Variants in NOL4 observed in about 807,000 individuals in gnomAD.
NOL4 encodes the protein nucleolar protein 4.
Under a neutral mutation model 75.9 loss-of-function variants are expected in NOL4, and 17 were observed. The observed-to-expected ratio is 0.22, with a 90% confidence interval of 0.15 to 0.34. The LOEUF is 0.34. Ranked by LOEUF, NOL4 falls within the 10% of genes least tolerant of loss-of-function variation. The pLI, the probability that NOL4 is intolerant of heterozygous loss-of-function variation, is 1.00. For synonymous variants in NOL4, 292 were observed against 289.9 expected (o/e 1.01, Z -0.07); for missense variants, 614 against 793.5 (o/e 0.77, Z 2.72).
intron 1 of NOL4, among the ~76,000 whole-genome samples, chr18:34,217,794 ATATAG>A (rs1323306066): frequency 6.6e-6 from 1 of 152,074 alleles, no homozygotes; most frequent in East Asian, 1.9e-4. Flanking sequence ...GCATATGCAT[ATATAG>A]TATATGTTAG....
chr18:34,092,959 G>A (rs199623892), intron 5 of NOL4, among the ~76,000 whole-genome samples: 1 of 152,104 alleles, frequency 6.6e-6, no homozygotes, highest in East Asian at 1.9e-4. Context: ...TTAACAGCTG[G>A]ATAAAGTAGC....
chr18:33,937,252 A>G (rs1402388364), intron 9 of NOL4, among the ~76,000 whole-genome samples: 6 of 152,140 alleles, frequency 3.9e-5, no homozygotes, highest in Admixed American at 6.6e-5. Context: ...GAGGCTGCAT[A>G]ATAACAAGCT....
At chr18:34,159,592 G>A (rs1329840403) in intron 1 of NOL4, among the ~76,000 whole-genome samples, 1 of 152,082 alleles carries the variant, frequency 6.6e-6, no homozygotes, top group Admixed American at 6.5e-5. Context: ...CCCCTAGAGA[G>A]CAGGCCCCAC....
intron 9 of NOL4, among the ~76,000 whole-genome samples, chr18:33,887,665 C>T (rs376186755): frequency 1.1e-4 from 17 of 151,840 alleles, no homozygotes; most frequent in African/African-American, 2.7e-4. Context: ...TGAGAACATG[C>T]GGTATTTGGT....
intron 1 of NOL4, among the ~76,000 whole-genome samples, chr18:34,188,232 T>C (rs2034640848): frequency 6.6e-6 from 1 of 152,016 alleles, no homozygotes; most frequent in African/African-American, 2.4e-5. Flanking sequence ...GAATATATGC[T>C]AGGACTGTAG....
intron 6 of NOL4, among the ~76,000 whole-genome samples, chr18:33,979,936 A>T (rs979717061): frequency 3.3e-5 from 5 of 152,096 alleles, no homozygotes; most frequent in Non-Finnish European, 7.4e-5. Context: ...TTAATGAATT[A>T]CAAGTATTTA....
Position 33,851,479 on chromosome 18 carries a change from A to G in NOL4, c.*1363T>C, listed in dbSNP as rs935309987. 1 of 152,500 alleles carries G rather than the reference A, an allele frequency of 6.6e-6. No homozygotes were observed. The highest frequency in any genetic ancestry group is 1.5e-5 in the Non-Finnish European group (1 of 68,024). The allele number at this position is 152,500 out of a possible 1,614,324, so 9.4% of individuals were successfully genotyped here. A position where few individuals can be genotyped will look rare whatever the true frequency, so the allele number is the denominator to read the frequency against. On this transcript the variant is annotated 3_prime_UTR_variant, in exon 11 of 11. Coordinates refer to ENST00000261592, the MANE Select transcript of NOL4 (RefSeq NM_003787.5). ...ATAAGAAATATCACTGATGCCTCAAACTCATTGTCAAAAACTGAATGACAT... is the reference window on the plus strand; with the variant it reads ...ATAAGAAATATCACTGATGCCTCAAGCTCATTGTCAAAAACTGAATGACAT...
rs190464291 is a variant in NOL4 at position 33,881,752 on chromosome 18, T to A, written c.1723+1492A>T. ...AAACGAGCCCGCATTGCCAGGTCAATCCTAAGCCAAAAGAACAAAGCTGGA... is the reference window on the plus strand; with the variant it reads ...AAACGAGCCCGCATTGCCAGGTCAAACCTAAGCCAAAAGAACAAAGCTGGA... On this transcript the variant is annotated intron_variant, in intron 10 of 10. Coordinates refer to ENST00000261592, the MANE Select transcript of NOL4 (RefSeq NM_003787.5). Among the ~76,000 whole-genome samples, 770 of 152,206 alleles carry A rather than the reference T, an allele frequency of 5.1e-3. 8 individuals are homozygous for A. Among genetic ancestry groups the A allele is most frequent in the African/African-American group, 0.018 (739 of 41,526 alleles).
intron 8 of NOL4, among the ~76,000 whole-genome samples, chr18:33,944,113 A>C (rs756116148): frequency 6.6e-6 from 1 of 151,924 alleles, no homozygotes; most frequent in Non-Finnish European, 1.5e-5. Context: ...ATAATGTGAA[A>C]TTATGAAATA....
intron 6 of NOL4, among the ~76,000 whole-genome samples, chr18:33,987,131 G>A (rs1410658133): frequency 2.6e-5 from 4 of 151,936 alleles, no homozygotes; most frequent in Non-Finnish European, 5.9e-5. Context: ...AACTATATAT[G>A]GTTGTTAAAA....
intron 8 of NOL4, among the ~76,000 whole-genome samples, chr18:33,944,143 T>C (rs767215175): frequency 9.2e-5 from 14 of 152,070 alleles, no homozygotes; most frequent in Non-Finnish European, 1.9e-4. Context: ...TTTGGGAATA[T>C]AGCATATACA....
intron 6 of NOL4, among the ~76,000 whole-genome samples, chr18:34,009,437 A>G (rs942502876): frequency 2.6e-5 from 4 of 152,002 alleles, no homozygotes; most frequent in African/African-American, 9.7e-5. Flanking sequence ...TTCCAAATGA[A>G]TATTAACGAA....
intron 2 of NOL4, among the ~76,000 whole-genome samples, chr18:34,116,289 G>C (rs968145033): frequency 7.0e-6 from 1 of 142,376 alleles, no homozygotes; most frequent in Non-Finnish European, 1.6e-5. Context: ...CCATCTGTGG[G>C]TTATAAAAAA....
At chr18:34,109,369 A>C (rs1369641262) in intron 2 of NOL4, among the ~76,000 whole-genome samples, 1 of 151,956 alleles carries the variant, frequency 6.6e-6, no homozygotes, top group Non-Finnish European at 1.5e-5. Context: ...AAAAGTAAAA[A>C]TTCGTCGGGC....
chr18:34,135,583 G>T (rs1042923210), intron 1 of NOL4, among the ~76,000 whole-genome samples: 1 of 150,378 alleles, frequency 6.6e-6, no homozygotes, highest in Non-Finnish European at 1.5e-5. Flanking sequence ...TGTAGTGCCC[G>T]CTACTTGGGA....
At chr18:33,920,227 A>G (rs1393515098) in intron 9 of NOL4, among the ~76,000 whole-genome samples, 1 of 152,146 alleles carries the variant, frequency 6.6e-6, no homozygotes, top group Non-Finnish European at 1.5e-5. Flanking sequence ...AGAGAGGTCT[A>G]TTACAGTCTC....
At chr18:34,046,198 A>C (rs2076356852) in intron 5 of NOL4, among the ~76,000 whole-genome samples, 1 of 152,038 alleles carries the variant, frequency 6.6e-6, no homozygotes, top group South Asian at 2.1e-4. Context: ...TTACTCTTAA[A>C]ATGACTCCTG....
In NOL4 at chr18:34,203,717, T is replaced by TCTCTCTCTCACACA. The variant is rs1261546835; in HGVS notation, c.264+19272_264+19273insTGTGTGAGAGAGAG. Among the ~76,000 whole-genome samples, 429 of 72,268 alleles carry TCTCTCTCTCACACA rather than the reference T, an allele frequency of 5.9e-3. 3 individuals carry two copies. The highest frequency in any genetic ancestry group is 0.031 in the East Asian group (61 of 1,978). The allele number at this position is 72,268 out of a possible 152,430, so 47.4% of individuals were successfully genotyped here. ...CTCTCTCTCTCTCTCTCTCTCTCTC[T>TCTCTCTCTCACACA]CACACACACACACACACACACACAC... On this transcript the variant is annotated intron_variant, in intron 1 of 10. Coordinates refer to ENST00000261592, the MANE Select transcript of NOL4 (RefSeq NM_003787.5).
At position 34,217,071 on chromosome 18, in the gene NOL4, T is replaced by G. The variant is rs117992623; in HGVS notation, c.264+5919A>C. ...GAGGAATCTAGAATGATGTTCATAA[T>G]TAGCTTACGGTGATTATATTTTGAT... is the stretch of plus-strand genomic sequence containing the variant. On this transcript the variant is annotated intron_variant, in intron 1 of 10. Transcript: ENST00000261592. Among the ~76,000 whole-genome samples the G allele has an allele frequency of 2.8e-3, 428 of 152,248 alleles. 1 individual carries two copies. Among genetic ancestry groups the G allele is most frequent in the Middle Eastern group, 0.02 (6 of 294 alleles).
Sources: allele counts gnomAD v4.1 joint callset (sites outside exome capture counted in the v4.1 genomes callset), GRCh38; gene constraint gnomAD v4.1.1; transcripts MANE v1.5; gene names NCBI Gene and HGNC (gene_info 2026-07-23, HGNC 2026-07-21).